Variants in NIPA1 observed in about 807,000 individuals in gnomAD.
The protein encoded by NIPA1 is NIPA magnesium transporter 1.
A neutral mutation model predicts 23.9 loss-of-function variants in NIPA1; 13 were observed. The ratio of observed to expected loss-of-function variants is 0.54; its 90% CI spans 0.35 to 0.87. NIPA1 has a LOEUF of 0.87. Ranked by LOEUF, NIPA1 falls within the 40% of genes least tolerant of loss-of-function variation. The pLI is 0.01. For synonymous variants in NIPA1, 234 were observed against 202.9 expected, an observed-to-expected ratio of 1.15 and a Z score of -1.30; for missense variants, 362 against 429.7, an observed-to-expected ratio of 0.84 and a Z score of 1.39.
At chr15:22,789,095 C>T (rs1342518542) in intron 1 of NIPA1, among the ~76,000 whole-genome samples, 5 of 151,142 alleles carry the variant, frequency 3.3e-5, no homozygotes, top group African/African-American at 1.2e-4. Flanking sequence ...CGGGTTCAAG[C>T]GATTCGCCTG....
chr15:22,788,896 G>A (rs1174448056), intron 1 of NIPA1, among the ~76,000 whole-genome samples: 1 of 88,708 alleles, frequency 1.1e-5, no homozygotes, highest in Admixed American at 1.5e-4. Context: ...TCCAGCCCGA[G>A]CGAGAAGAAC....
chr15:22,801,092 A>G (rs1481349077), intron 1 of NIPA1, among the ~76,000 whole-genome samples: 2 of 147,892 alleles, frequency 1.4e-5, no homozygotes, highest in Non-Finnish European at 1.5e-5. Flanking sequence ...AAAAAAAAAG[A>G]GGCAGTATAC....
At chr15:22,795,021 C>T (rs1236850575) in intron 1 of NIPA1, among the ~76,000 whole-genome samples, 1 of 152,132 alleles carries the variant, frequency 6.6e-6, no homozygotes, top group Non-Finnish European at 1.5e-5. Context: ...TAACTGGCCA[C>T]AGGGAGCCGC....
intron 1 of NIPA1, among the ~76,000 whole-genome samples, chr15:22,807,763 CCA>C (rs952053275): frequency 3.3e-5 from 4 of 121,596 alleles, no homozygotes; most frequent in African/African-American, 1.6e-4. Flanking sequence ...AGGATAATTT[CCA>C]CAGAGTTTAA....
chr15:22,791,992 C>G (rs1894839664), intron 1 of NIPA1, among the ~76,000 whole-genome samples: 1 of 152,076 alleles, frequency 6.6e-6, no homozygotes, highest in Middle Eastern at 3.2e-3. Flanking sequence ...AGGGAGCGTG[C>G]TCTACAGCAT....
At chr15:22,791,753 A>G (rs540654205) in intron 1 of NIPA1, among the ~76,000 whole-genome samples, 1 of 152,186 alleles carries the variant, frequency 6.6e-6, no homozygotes, top group South Asian at 2.1e-4. Context: ...GATGTGAGCC[A>G]CCGCACCTGG....
chr15:22,796,509 G>A (rs566955604), intron 1 of NIPA1, among the ~76,000 whole-genome samples: 1 of 149,764 alleles, frequency 6.7e-6, no homozygotes, highest in Non-Finnish European at 1.5e-5. Context: ...TTGTTATGTT[G>A]ATCAGGCTGG....
intron 1 of NIPA1, among the ~76,000 whole-genome samples, chr15:22,793,530 T>C (rs981825185): frequency 3.3e-5 from 5 of 151,870 alleles, no homozygotes; most frequent in African/African-American, 1.2e-4. Flanking sequence ...AACCTCCACC[T>C]GCCAGGTTCA....
intron 1 of NIPA1, among the ~76,000 whole-genome samples, chr15:22,787,507 C>A (rs1894734190): frequency 1.3e-5 from 2 of 152,166 alleles, no homozygotes; most frequent in Admixed American, 1.3e-4. Flanking sequence ...CAAAACCAAG[C>A]CCTGGACGGG....
At position 22,802,074 on chromosome 15, in the gene NIPA1, A is replaced by G. The variant is rs368482048; in HGVS notation, c.179-8675A>G. Among the ~76,000 whole-genome samples the G allele has an allele frequency of 2.6e-5, 4 of 152,232 alleles. No homozygotes were observed. In the East Asian group the frequency reaches 5.8e-4, roughly 22 times the overall value. ...TATTAGGGTCAGCATTGTGTGGGCT[A>G]ACCCAGAAACTTAACTTTTTAAATT... On this transcript the variant is annotated intron_variant, in intron 1 of 4. Transcript: ENST00000337435.
chr15:22,822,538 A>T (rs1595647075), intron 4 of NIPA1, among the ~76,000 whole-genome samples: 1 of 152,136 alleles, frequency 6.6e-6, no homozygotes. Context: ...TGTTAAGAGA[A>T]TGTTTCTAGG....
chr15:22,797,302 C>T (rs542901876), intron 1 of NIPA1, among the ~76,000 whole-genome samples: 15 of 152,006 alleles, frequency 9.9e-5, no homozygotes, highest in African/African-American at 2.7e-4. Flanking sequence ...CTCTGTCTCC[C>T]GGGTTCACAC....
rs540320046 is a variant in NIPA1, at chr15:22,792,648, G to A, written c.178+5814G>A. On this transcript the variant is annotated intron_variant, in intron 1 of 4. Coordinates refer to ENST00000337435, the MANE Select transcript of NIPA1 (RefSeq NM_144599.5). ...GCTGGGCTCCCACTGTGCCCAGCTTGGAGGCTTTTAAGAATTGGGTGGGGG... is the reference window on the plus strand; with the variant it reads ...GCTGGGCTCCCACTGTGCCCAGCTTAGAGGCTTTTAAGAATTGGGTGGGGG... Among the ~76,000 whole-genome samples the A allele has an allele frequency of 7.3e-4, 111 of 152,274 alleles. 2 individuals are homozygous for A. Among genetic ancestry groups the A allele is most frequent in the African/African-American group, 2.6e-3 (109 of 41,582 alleles).
chr15:22,813,998 C>T, intron 3 of NIPA1: 1 of 615,026 alleles, frequency 1.6e-6, no homozygotes, highest in South Asian at 1.5e-5. Flanking sequence ...AAATGTTTTG[C>T]TCAGTTAATT....
rs150140637 is a variant in NIPA1, at chr15:22,799,501, C to A, written c.179-11248C>A. Reference sequence around the variant, plus strand: ...CTCTAAAAAAAATACAAAAATTGGCCGGCCAGCGCAGTGGCTCACACCTGT... The same window carrying A: ...CTCTAAAAAAAATACAAAAATTGGCAGGCCAGCGCAGTGGCTCACACCTGT... On this transcript the variant is annotated intron_variant, in intron 1 of 4. Transcript: ENST00000337435. Among the ~76,000 whole-genome samples the A allele has an allele frequency of 6.6e-4, 100 of 151,570 alleles. No homozygotes were observed. The East Asian group carries it at 0.018, about 27-fold the overall frequency.
At chr15:22,801,438 G>C (rs139875987) in intron 1 of NIPA1, among the ~76,000 whole-genome samples, 6 of 151,348 alleles carry the variant, frequency 4.0e-5, no homozygotes, top group Non-Finnish European at 7.4e-5. Flanking sequence ...GAAAGGATGA[G>C]AGAGATTGCC....
chr15:22,803,675 ATTT>A lies in NIPA1; in HGVS notation c.179-7054_179-7052del, dbSNP rs34811722. Among the ~76,000 whole-genome samples, 206 of 71,094 alleles carry A rather than the reference ATTT, an allele frequency of 2.9e-3. 2 individuals carry two copies. The highest frequency in any genetic ancestry group is 0.013 in the African/African-American group (195 of 15,164). The allele number at this position is 71,094 out of a possible 152,430, so 46.6% of individuals were successfully genotyped here. ...AGGCACCTGCTACCGGGCCCGGCTA[ATTT>A]TTTTTTTTTTTTTTTTTTTGAGACA... On this transcript the variant is annotated intron_variant, in intron 1 of 4. Coordinates refer to ENST00000337435, the MANE Select transcript of NIPA1 (RefSeq NM_144599.5).
intron 1 of NIPA1, among the ~76,000 whole-genome samples, chr15:22,801,135 C>T (rs1171963779): frequency 6.6e-6 from 1 of 151,906 alleles, no homozygotes; most frequent in African/African-American, 2.4e-5. Context: ...CAGTTTATGT[C>T]CTGTGGTTGT....
chr15:22,793,051 A>C (rs1894864743), intron 1 of NIPA1, among the ~76,000 whole-genome samples: 1 of 151,734 alleles, frequency 6.6e-6, no homozygotes, highest in Non-Finnish European at 1.5e-5. Flanking sequence ...ACGGAGTGAG[A>C]CTCTGTCTCA....
Sources: gnomAD v4.1 joint callset for allele counts (sites outside exome capture counted in the v4.1 genomes callset) on GRCh38, gnomAD v4.1.1 for gene constraint, MANE v1.5 for transcripts, NCBI Gene and HGNC (gene_info 2026-07-23, HGNC 2026-07-21) for gene names.